GAS6: variants seen among roughly 807,000 people sequenced by gnomAD.
GAS6 encodes the protein growth arrest specific 6, also known as growth arrest-specific protein 6.
A neutral mutation model predicts 75.8 loss-of-function variants in GAS6; 41 were observed. The observed-to-expected ratio is 0.54, with a 90% confidence interval of 0.42 to 0.70. The LOEUF is 0.70. Among genes scored for constraint, GAS6 ranks in the 30% least tolerant of loss-of-function variants. The pLI, the probability that GAS6 is intolerant of heterozygous loss-of-function variation, is 0.00. For missense variants in GAS6, 854 were observed against 940.2 expected (o/e 0.91, Z 1.20); for synonymous variants, 432 against 412.6 (o/e 1.05, Z -0.57).
rs1424925033 is a variant in GAS6 at position 113,858,561 on chromosome 13, CTT to C, written c.255+5012_255+5013del. ...TCTGTGTACGTCTGCTAGTATGTGCCTTTGTGTGTGCATGTCTGTGTGTGACT... is the reference window on the plus strand; with the variant it reads ...TCTGTGTACGTCTGCTAGTATGTGCCTGTGTGTGCATGTCTGTGTGTGACT... On this transcript the variant is annotated intron_variant, in intron 2 of 14. Transcript: ENST00000327773. Among the ~76,000 whole-genome samples the C allele has an allele frequency of 2.6e-4, 34 of 129,724 alleles. 2 individuals carry two copies. Among genetic ancestry groups the C allele is most frequent in the African/African-American group, 1.0e-3 (32 of 30,682 alleles). The allele number at this position is 129,724 out of a possible 152,430, so 85.1% of individuals were successfully genotyped here.
intron 12 of GAS6, among the ~76,000 whole-genome samples, chr13:113,826,449 A>C (rs12858258): frequency 0.012 from 757 of 62,024 alleles, 25 homozygotes; most frequent in African/African-American, 0.023. Context: ...TTCTCTCCCC[A>C]GCCTCCCGGC....
At chr13:113,858,919 CTGTT>C (rs2051942772) in intron 2 of GAS6, among the ~76,000 whole-genome samples, 1 of 148,434 alleles carries the variant, frequency 6.7e-6, no homozygotes, top group East Asian at 2.0e-4. Context: ...GTGTACATGT[CTGTT>C]AGTATGTGTG....
intron 11 of GAS6, 124 bp downstream of exon 11, chr13:113,828,423 C>T (rs918419297): frequency 1.1e-6 from 1 of 948,862 alleles, no homozygotes; most frequent in Non-Finnish European, 1.5e-6. Context: ...CCTTTCCTTC[C>T]TCTAGGTCCT....
intron 6 of GAS6, chr13:113,835,911 G>A (rs965724942): frequency 7.3e-5 from 95 of 1,299,706 alleles, no homozygotes; most frequent in Non-Finnish European, 8.2e-5. Context: ...AGGGGTGGGG[G>A]GCGGCGGTGC....
intron 3 of GAS6, chr13:113,847,641 T>C (rs558965878): frequency 5.8e-4 from 130 of 222,300 alleles, no homozygotes; most frequent in African/African-American, 2.0e-3. Flanking sequence ...ATACGGTAAA[T>C]ATCAGTCAAT....
chr13:113,857,792 C>G (rs186084388), intron 2 of GAS6, among the ~76,000 whole-genome samples: 11 of 152,352 alleles, frequency 7.2e-5, no homozygotes, highest in Admixed American at 2.6e-4. Context: ...AGATGTGAAG[C>G]TCTCCGGCTC....
chr13:113,848,196 G>A lies in GAS6; in HGVS notation c.256-146C>T, dbSNP rs2051848800. 9 of 777,538 alleles carry A rather than the reference G, an allele frequency of 1.2e-5. No individual in the cohort carries two copies. The highest frequency in any genetic ancestry group is 2.4e-4 in the Middle Eastern group (1 of 4,132). 48.2% of individuals were successfully genotyped at this position (777,538 alleles called of 1,614,324 possible). Reference sequence around the variant, plus strand: ...CCCGGGGAACTGAGGGGAAGTGACCGGGGCACGACTGCTGTGAGACCAACA... The same window carrying A: ...CCCGGGGAACTGAGGGGAAGTGACCAGGGCACGACTGCTGTGAGACCAACA... On this transcript the variant is annotated intron_variant, in intron 2 of 14. Coordinates refer to ENST00000327773, the MANE Select transcript of GAS6 (RefSeq NM_000820.4). This position sits in a 1 kb window ranked among gnomAD's most constrained non-coding sequence, Gnocchi z 4.8.
At chr13:113,834,187 C>T (rs992602705) in intron 8 of GAS6, among the ~76,000 whole-genome samples, 1 of 139,934 alleles carries the variant, frequency 7.1e-6, no homozygotes, top group African/African-American at 2.7e-5. Flanking sequence ...CATGCTGTGA[C>T]AGGCACCGGT....
In GAS6 at chr13:113,858,377, G is replaced by A. The variant is rs2051931645; in HGVS notation, c.255+5198C>T. On this transcript the variant is annotated intron_variant, in intron 2 of 14. Transcript: ENST00000327773. ...TCTATGTGAATGTGTGCATGTGTGTGCATGTCTGTCAGTGTGTGTGACTGT... is the reference window on the plus strand; with the variant it reads ...TCTATGTGAATGTGTGCATGTGTGTACATGTCTGTCAGTGTGTGTGACTGT... Among the ~76,000 whole-genome samples, 3 of 151,890 alleles carry A rather than the reference G, an allele frequency of 2.0e-5. No individual in the cohort carries two copies. The South Asian group carries it at 6.2e-4, about 32-fold the overall frequency.
chr13:113,833,095 G>C, intron 8 of GAS6: 1 of 1,191,378 alleles, frequency 8.4e-7, no homozygotes, highest in Non-Finnish European at 1.1e-6. Flanking sequence ...TTATGAAATA[G>C]ATATGGATGC....
Position 113,844,655 on chromosome 13 carries a change from A to C in GAS6, c.343+1872T>G, listed in dbSNP as rs1430115149. On this transcript the variant is annotated intron_variant, in intron 4 of 14. Coordinates refer to ENST00000327773, the MANE Select transcript of GAS6 (RefSeq NM_000820.4). This position sits in a 1 kb window ranked among gnomAD's most constrained non-coding sequence, Gnocchi z 5.7. ...ATTAAAAAATAAGCAAGACAACCAG[A>C]AAAAAGACTGAGGAGGGCATAGGAG... is the stretch of plus-strand genomic sequence containing the variant. 5 of 145,690 alleles carry C rather than the reference A, an allele frequency of 3.4e-5. No homozygotes were observed. Among genetic ancestry groups the C allele is most frequent in the Admixed American group, 3.3e-4 (5 of 15,052 alleles). The allele number at this position is 145,690 out of a possible 1,614,324, so 9.0% of individuals were successfully genotyped here. A position where few individuals can be genotyped will look rare whatever the true frequency, so the allele number is the denominator to read the frequency against.
At chr13:113,839,015 T>C in intron 5 of GAS6, 1 of 167,938 alleles carries the variant, frequency 6.0e-6, no homozygotes, top group Non-Finnish European at 1.3e-5. Context: ...AGCTGCGGTC[T>C]CAGCCTGGGG....
chr13:113,858,789 C>A (rs1324122810), intron 2 of GAS6, among the ~76,000 whole-genome samples: 1 of 144,730 alleles, frequency 6.9e-6, no homozygotes, highest in East Asian at 2.1e-4. Context: ...GTGTACATGT[C>A]TGTGACTGTA....
In GAS6 at chr13:113,845,616, T is replaced by G. The variant is rs1486145603; in HGVS notation, c.343+911A>C. ...GCAAGCTGAAAAAATTTTTGATAAC[T>G]TTACTACCAATGGCTAATGTGCAAA... On this transcript the variant is annotated intron_variant, in intron 4 of 14. Coordinates refer to ENST00000327773, the MANE Select transcript of GAS6 (RefSeq NM_000820.4). The surrounding 1 kb of genome is among the most constrained non-coding windows in gnomAD (Gnocchi z 4.3). The G allele has an allele frequency of 1.3e-5, 2 of 150,994 alleles. No individual in the cohort carries two copies. Among genetic ancestry groups the G allele is most frequent in the Non-Finnish European group, 2.9e-5 (2 of 67,970 alleles). 9.4% of individuals were successfully genotyped at this position (150,994 alleles called of 1,614,324 possible).
At chr13:113,833,520 A>G (rs1476529268) in intron 8 of GAS6, 2 of 993,766 alleles carry the variant, frequency 2.0e-6, no homozygotes, top group Non-Finnish European at 2.4e-6. Flanking sequence ...GAGGAAAGAC[A>G]AGAGCCGCCC....
chr13:113,856,370 C>T (rs1396518822), intron 2 of GAS6, among the ~76,000 whole-genome samples: 1 of 152,182 alleles, frequency 6.6e-6, no homozygotes, highest in Non-Finnish European at 1.5e-5. Flanking sequence ...CCAGGACACA[C>T]TGTAGCCCTC....
intron 11 of GAS6, among the ~76,000 whole-genome samples, chr13:113,828,013 C>T (rs981386101): frequency 3.3e-5 from 5 of 152,210 alleles, no homozygotes; most frequent in Admixed American, 6.5e-5. Context: ...CGGTGGCTCA[C>T]GCCTGTAATC....
At chr13:113,835,985 C>A in intron 6 of GAS6, 2 of 1,064,090 alleles carry the variant, frequency 1.9e-6, no homozygotes, top group Non-Finnish European at 1.1e-6. Context: ...AGTAACCCCC[C>A]GGGGGCATTT....
intron 2 of GAS6, among the ~76,000 whole-genome samples, chr13:113,850,765 C>T (rs1224149146): frequency 6.6e-6 from 1 of 151,944 alleles, no homozygotes; most frequent in Non-Finnish European, 1.5e-5. Flanking sequence ...CAGATGGATG[C>T]ATGAATGAGT....
Sources: gnomAD v4.1 joint callset for allele counts (sites outside exome capture counted in the v4.1 genomes callset) on GRCh38, gnomAD v4.1.1 for gene constraint, Gnocchi (gnomAD v3.1) non-coding constraint, MANE v1.5 for transcripts, NCBI Gene and HGNC (gene_info 2026-07-23, HGNC 2026-07-21) for gene names.